Variants in ZNF148 observed in about 807,000 individuals in gnomAD.
The protein encoded by ZNF148 is zinc finger protein 148, also known as Beta-Enolase Repressor Factor-1.
Under a neutral mutation model 67.7 loss-of-function variants are expected in ZNF148, and 7 were observed. The ratio of observed to expected loss-of-function variants is 0.10; its 90% CI spans 0.06 to 0.19. The LOEUF is 0.19. Ranked by LOEUF, ZNF148 falls within the 10% of genes least tolerant of loss-of-function variation. The probability of loss-of-function intolerance (pLI) is 1.00; values close to 1 mark genes in which losing one functional copy is unlikely to be tolerated. For missense variants in ZNF148, 583 were observed against 947.1 expected, an observed-to-expected ratio of 0.62 and a Z score of 5.05; for synonymous variants, 333 against 330.7, an observed-to-expected ratio of 1.01 and a Z score of -0.08.
At position 125,287,154 on chromosome 3, in the gene ZNF148, A is replaced by T. The variant is rs548702425; in HGVS notation, c.459+949T>A. 1.0e-3 allele frequency among the ~76,000 whole-genome samples: 154 copies of T among 152,354 alleles called. 1 individual carries two copies. In the Middle Eastern group the frequency reaches 0.01, roughly 10 times the overall value. ...AATAATAATGATGATTATGATTTCA[A>T]ATCACAAATTTTTAAAAAGCCATCA... On this transcript the variant is annotated intron_variant, in intron 5 of 8. Coordinates refer to ENST00000360647, the MANE Select transcript of ZNF148 (RefSeq NM_021964.3).
At chr3:125,282,002 T>C (rs999022022) in intron 5 of ZNF148, among the ~76,000 whole-genome samples, 8 of 152,194 alleles carry the variant, frequency 5.3e-5, no homozygotes, top group African/African-American at 1.7e-4. Flanking sequence ...GGAGACTCTA[T>C]ACCTGTCAAA....
At chr3:125,340,307 A>G (rs1941659594) in intron 1 of ZNF148, among the ~76,000 whole-genome samples, 1 of 152,194 alleles carries the variant, frequency 6.6e-6, no homozygotes, top group Non-Finnish European at 1.5e-5. Context: ...AGCCCAAATG[A>G]CAATAAAGAC....
At chr3:125,251,956 C>T (rs1936858574) in intron 7 of ZNF148, among the ~76,000 whole-genome samples, 1 of 152,124 alleles carries the variant, frequency 6.6e-6, no homozygotes, top group Admixed American at 6.6e-5. Context: ...TTTGTACCAC[C>T]TGTATTTTTC....
intron 7 of ZNF148, among the ~76,000 whole-genome samples, chr3:125,271,990 C>T (rs1223302136): frequency 1.3e-5 from 2 of 152,196 alleles, no homozygotes; most frequent in African/African-American, 4.8e-5. Context: ...CCCAACGATT[C>T]CCAGCTTCCT....
At chr3:125,294,089 T>A (rs1436515750) in intron 4 of ZNF148, among the ~76,000 whole-genome samples, 1 of 152,118 alleles carries the variant, frequency 6.6e-6, no homozygotes, top group Admixed American at 6.5e-5. Flanking sequence ...ATCACTTCTG[T>A]GGGTAGTCAA....
At chr3:125,245,743 C>T (rs1222126651) in intron 7 of ZNF148, among the ~76,000 whole-genome samples, 1 of 152,222 alleles carries the variant, frequency 6.6e-6, no homozygotes, top group Non-Finnish European at 1.5e-5. Context: ...ACACCATCAT[C>T]CTGTGGTCTA....
Position 125,243,762 on chromosome 3 carries a change from G to A in ZNF148, c.668-9433C>T, listed in dbSNP as rs545143291. On this transcript the variant is annotated intron_variant, in intron 7 of 8. Transcript: ENST00000360647. ...ACTGGTCTCGAATTCCTGGCCTCAA[G>A]TGATCCTCCCAACTCAGCCTCCCAA... Among the ~76,000 whole-genome samples, 16 of 152,266 alleles carry A rather than the reference G, an allele frequency of 1.1e-4. 2 individuals are homozygous for A. In the South Asian group the frequency reaches 3.3e-3, roughly 32 times the overall value.
intron 4 of ZNF148, among the ~76,000 whole-genome samples, chr3:125,303,416 G>A (rs1487144483): frequency 6.6e-6 from 1 of 152,204 alleles, no homozygotes; most frequent in African/African-American, 2.4e-5. Flanking sequence ...CGGCCAGTGA[G>A]CAAGCAAAGC....
chr3:125,246,405 A>C (rs759185110), intron 7 of ZNF148, among the ~76,000 whole-genome samples: 3 of 152,226 alleles, frequency 2.0e-5, no homozygotes, highest in Non-Finnish European at 4.4e-5. Flanking sequence ...TTAAGAGTAC[A>C]GGTTCTACAG....
intron 3 of ZNF148, among the ~76,000 whole-genome samples, chr3:125,319,892 T>G (rs897398809): frequency 6.6e-6 from 1 of 152,194 alleles, no homozygotes; most frequent in Admixed American, 6.5e-5. Context: ...TAGGAAGTAG[T>G]TGAACTCTCA....
intron 3 of ZNF148, among the ~76,000 whole-genome samples, chr3:125,317,679 A>AGAGAGAGAGAGAGAGAGAG (rs61407940): frequency 2.4e-4 from 27 of 114,788 alleles, no homozygotes; most frequent in Non-Finnish European, 3.2e-4. Context: ...AGAGAGAGAG[A>AGAGAGAGAGAGAGAGAGAG]AATACATATA....
intron 7 of ZNF148, among the ~76,000 whole-genome samples, chr3:125,240,028 T>C (rs948477685): frequency 6.6e-6 from 1 of 152,194 alleles, no homozygotes; most frequent in African/African-American, 2.4e-5. Flanking sequence ...TACAACTCTG[T>C]GAACATACTA....
At chr3:125,236,870 C>G (rs1481250943) in intron 7 of ZNF148, among the ~76,000 whole-genome samples, 2 of 152,152 alleles carry the variant, frequency 1.3e-5, no homozygotes, top group Non-Finnish European at 2.9e-5. Context: ...ACTAGAAAGA[C>G]AGCTTACTAC....
At chr3:125,282,050 C>T (rs1022887975) in intron 5 of ZNF148, among the ~76,000 whole-genome samples, 10 of 152,156 alleles carry the variant, frequency 6.6e-5, no homozygotes, top group African/African-American at 2.2e-4. Flanking sequence ...ATTACTCCTC[C>T]TAGCTTACCA....
intron 3 of ZNF148, among the ~76,000 whole-genome samples, chr3:125,322,790 A>C (rs947022947): frequency 6.6e-6 from 1 of 152,230 alleles, no homozygotes; most frequent in Non-Finnish European, 1.5e-5. Flanking sequence ...AATATATCAA[A>C]CTTAAGTGAT....
rs1051956154 is a variant in ZNF148 at position 125,343,891 on chromosome 3, A to G, written c.-233-12653T>C. Reference sequence around the variant, plus strand: ...CCACCGACAGGAACCAACTCCGGACACACCAACAATAAACTGAAAAGTCTA... The same window carrying G: ...CCACCGACAGGAACCAACTCCGGACGCACCAACAATAAACTGAAAAGTCTA... On this transcript the variant is annotated intron_variant, in intron 1 of 8. Transcript: ENST00000360647. 3.9e-5 allele frequency among the ~76,000 whole-genome samples: 6 copies of G among 152,168 alleles called. No homozygotes were observed. The South Asian group carries it at 1.2e-3, about 32-fold the overall frequency.
At chr3:125,318,874 T>C (rs778827406) in intron 3 of ZNF148, among the ~76,000 whole-genome samples, 1 of 151,976 alleles carries the variant, frequency 6.6e-6, no homozygotes, top group Non-Finnish European at 1.5e-5. Flanking sequence ...TCTGCATTCT[T>C]CCCCCGCTTC....
intron 5 of ZNF148, among the ~76,000 whole-genome samples, chr3:125,283,308 C>T (rs1224025123): frequency 6.6e-6 from 1 of 152,108 alleles, no homozygotes; most frequent in Non-Finnish European, 1.5e-5. Context: ...TTTTTCTCAT[C>T]ACCAAATTTC....
At chr3:125,234,030 T>C in intron 8 of ZNF148, 91 bp from the exon 9 acceptor site, 1 of 1,434,604 alleles carries the variant, frequency 7.0e-7, no homozygotes. Flanking sequence ...TATAAAGATA[T>C]ATTAATGCAA....
Sources: gnomAD v4.1 joint callset for allele counts (sites outside exome capture counted in the v4.1 genomes callset) on GRCh38, gnomAD v4.1.1 for gene constraint, MANE v1.5 for transcripts, NCBI Gene and HGNC (gene_info 2026-07-23, HGNC 2026-07-21) for gene names.